CCDC191: variants seen among roughly 807,000 people sequenced by gnomAD.
The protein encoded by CCDC191 is coiled-coil domain containing 191.
CCDC191 carries 99 observed loss-of-function variants against 114.0 expected under a neutral mutation model. The ratio of observed to expected loss-of-function variants is 0.87; its 90% CI spans 0.74 to 1.03. CCDC191 has a LOEUF of 1.03. CCDC191 is among the 50% of genes least tolerant of loss of function. The pLI, the probability that CCDC191 is intolerant of heterozygous loss-of-function variation, is 0.00. For synonymous variants in CCDC191, 351 were observed against 376.0 expected (o/e 0.93, Z 0.77); for missense variants, 973 against 1,087.0 (o/e 0.90, Z 1.47).
At chr3:114,027,009 C>T (rs766462879) in intron 7 of CCDC191, among the ~76,000 whole-genome samples, 5 of 152,024 alleles carry the variant, frequency 3.3e-5, no homozygotes, top group African/African-American at 4.8e-5. Context: ...GGCCATTTTC[C>T]AAATAGTATA....
chr3:113,994,504 T>C (rs1045823955), intron 13 of CCDC191, among the ~76,000 whole-genome samples: 3 of 152,016 alleles, frequency 2.0e-5, no homozygotes, highest in Admixed American at 6.5e-5. Flanking sequence ...AACTTAAACA[T>C]TGACTTACCA....
At chr3:114,030,307 T>G (rs2076386618) in intron 7 of CCDC191, among the ~76,000 whole-genome samples, 1 of 152,172 alleles carries the variant, frequency 6.6e-6, no homozygotes, top group African/African-American at 2.4e-5. Context: ...ATTTAAGCAT[T>G]TTTTAGAAAA....
chr3:113,985,857 CCA>C (rs1266515429), intron 13 of CCDC191, among the ~76,000 whole-genome samples: 1 of 152,150 alleles, frequency 6.6e-6, no homozygotes, highest in Non-Finnish European at 1.5e-5. Context: ...GTACAAATCT[CCA>C]CACTCTAGGC....
chr3:113,978,144 G>A, intron 16 of CCDC191, 42 bp downstream of exon 16: 1 of 1,606,778 alleles, frequency 6.2e-7, no homozygotes, highest in African/African-American at 1.3e-5. Flanking sequence ...CTGAGCAATT[G>A]TGAAGTCAGA....
chr3:114,001,640 C>T lies in CCDC191; in HGVS notation c.2118G>A (p.Glu706=). Residue 706 remains glutamate, a synonymous_variant, in exon 13 of 17, where the codon GAG becomes GAA. Transcript: ENST00000295878. ...ERQKREAEEK[E]AQLERKREEK... is the part of the protein sequence containing the mutation. ...CTTCTCGTTTTCTTTCAAGCTGTGC[C>T]TCCTTTTCTTCTGCCTCCCTTTTCT... 6.2e-7 allele frequency: 1 copy of T among 1,613,848 alleles called. No homozygotes were observed. The highest frequency in any genetic ancestry group is 8.5e-7 in the Non-Finnish European group (1 of 1,179,786).
Position 113,965,195 on chromosome 3 carries a change from T to A in CCDC191, c.2771A>T (p.Asp924Val). The change falls in exon 17 of 17, where the codon GAT becomes GTT. Residue 924 changes from aspartate (D) to valine (V), a missense_variant. Asp to Val is a radical substitution (Grantham distance 152). Transcript: ENST00000295878. ...ACTTGTCTTACTCAAGGACCAAGTA[T>A]CTGATTGCTGATATAGCTCGTGGTA... ...GRYHELYQQS[D>V]TWSLSKTSLV... The A allele has an allele frequency of 6.2e-7, 1 of 1,610,046 alleles. No individual in the cohort carries two copies. The highest frequency in any genetic ancestry group is 8.5e-7 in the Non-Finnish European group (1 of 1,178,224).
In CCDC191 at chr3:114,005,654, C is replaced by T. The variant is rs1271936150; in HGVS notation, c.1722G>A (p.Gln574=). 6.2e-6 allele frequency: 10 copies of T among 1,614,142 alleles called. No homozygotes were observed. The highest frequency in any genetic ancestry group is 1.3e-5 in the African/African-American group (1 of 75,050). The change falls in exon 10 of 17, where the codon CAG becomes CAA. Residue 574 remains glutamine, a synonymous_variant. Coordinates refer to ENST00000295878, the MANE Select transcript of CCDC191 (RefSeq NM_020817.2). ...EKQKKKLQEQ[Q]KTILELKKNL... The stretch of plus-strand genomic sequence containing the variant: ...TTTTCTTCAGCTCGAGAATTGTTTT[C>T]TGCTGTTCCTGAAGTTTCTTCTTTT...
At chr3:114,020,310 A>C (rs2107702725) in intron 7 of CCDC191, among the ~76,000 whole-genome samples, 1 of 152,346 alleles carries the variant, frequency 6.6e-6, no homozygotes, top group South Asian at 2.1e-4. Flanking sequence ...AGCATCTACT[A>C]GAATTCTTAG....
intron 7 of CCDC191, among the ~76,000 whole-genome samples, chr3:114,027,601 C>CG (rs2076339963): frequency 1.7e-5 from 1 of 60,138 alleles, no homozygotes. Flanking sequence ...GACTCTGTCT[C>CG]AAAAAAAAAA....
At chr3:114,033,664 G>T (rs1181325472) in intron 6 of CCDC191, among the ~76,000 whole-genome samples, 1 of 152,284 alleles carries the variant, frequency 6.6e-6, no homozygotes, top group South Asian at 2.1e-4. Context: ...ACCATTAAAC[G>T]TTACTTGTTT....
intron 7 of CCDC191, among the ~76,000 whole-genome samples, chr3:114,025,290 T>A (rs1471390269): frequency 6.6e-6 from 1 of 150,560 alleles, no homozygotes; most frequent in East Asian, 1.9e-4. Flanking sequence ...CCAAACCCTA[T>A]CACTGTTCTA....
At chr3:114,051,358 G>A (rs753669679) in intron 2 of CCDC191, among the ~76,000 whole-genome samples, 17 of 151,928 alleles carry the variant, frequency 1.1e-4, no homozygotes, top group Non-Finnish European at 1.9e-4. Context: ...CTGCATCCTC[G>A]AACCCCTTGT....
intron 8 of CCDC191, among the ~76,000 whole-genome samples, chr3:114,014,588 C>A (rs2076127712): frequency 6.6e-6 from 1 of 152,208 alleles, no homozygotes; most frequent in East Asian, 1.9e-4. Context: ...TGTTCCTACG[C>A]AAGACTGCCT....
intron 1 of CCDC191, among the ~76,000 whole-genome samples, chr3:114,055,062 C>T (rs2076750475): frequency 6.6e-6 from 1 of 151,908 alleles, no homozygotes; most frequent in Non-Finnish European, 1.5e-5. Context: ...AGCATACTGA[C>T]ACATGGAGGT....
intron 8 of CCDC191, 42 bp from the exon 9 acceptor site, chr3:114,011,063 A>G (rs751471521): frequency 1.3e-6 from 2 of 1,566,384 alleles, no homozygotes; most frequent in South Asian, 2.4e-5. Flanking sequence ...GAAGCCATTT[A>G]CAGTTTGTTA....
rs768540332 is a variant in CCDC191 at position 114,034,949 on chromosome 3, C to A, written c.794G>T (p.Arg265Leu). Residue 265 changes from arginine (R) to leucine (L), a missense_variant, in exon 6 of 17, where the codon CGC becomes CTC. Physicochemically the swap from Arg to Leu is moderately radical, Grantham distance 102 (BLOSUM62 -2). Coordinates refer to ENST00000295878, the MANE Select transcript of CCDC191 (RefSeq NM_020817.2). Reference protein sequence around the residue: ...KLRREIIERRRTVKAAWKIEK... With the variant: ...KLRREIIERRLTVKAAWKIEK... Reference sequence around the variant, plus strand: ...CATTTTCCATGCTGCTTTCACAGTGCGTCTCCTCTCAATTATCTCCCTCCG... The same window carrying A: ...CATTTTCCATGCTGCTTTCACAGTGAGTCTCCTCTCAATTATCTCCCTCCG... The A allele has an allele frequency of 6.2e-7, 1 of 1,613,730 alleles. No individual in the cohort carries two copies. Among genetic ancestry groups the A allele is most frequent in the African/African-American group, 1.3e-5 (1 of 74,886 alleles).
At position 113,965,390 on chromosome 3, in the gene CCDC191, T is replaced by C; in HGVS notation, c.2607-31A>G. 2.1e-6 allele frequency: 3 copies of C among 1,455,964 alleles called. 1 individual carries two copies. The highest frequency in any genetic ancestry group is 4.5e-5 in the Admixed American group (2 of 44,142). The allele number at this position is 1,455,964 out of a possible 1,614,324, so 90.2% of individuals were successfully genotyped here. A position where few individuals can be genotyped will look rare whatever the true frequency, so the allele number is the denominator to read the frequency against. On this transcript the variant is annotated intron_variant, in intron 16 of 16. Coordinates refer to ENST00000295878, the MANE Select transcript of CCDC191 (RefSeq NM_020817.2). ...AGAATAAAGAAGGAAAAAAGTGAAA[T>C]GTTGAGAAAAAGTTGGCTTTCCATC...
intron 16 of CCDC191, among the ~76,000 whole-genome samples, chr3:113,971,673 T>C (rs1254641434): frequency 1.3e-5 from 2 of 152,322 alleles, no homozygotes; most frequent in African/African-American, 4.8e-5. Flanking sequence ...GGTATCAGGC[T>C]AATGCTGGCC....
intron 7 of CCDC191, among the ~76,000 whole-genome samples, chr3:114,024,865 A>C (rs552912980): frequency 3.3e-5 from 5 of 152,120 alleles, no homozygotes; most frequent in Admixed American, 2.6e-4. Context: ...AAAAATGAGG[A>C]TCTTTGTCAT....
Sources: allele counts gnomAD v4.1 joint callset (sites outside exome capture counted in the v4.1 genomes callset), GRCh38; gene constraint gnomAD v4.1.1; transcripts MANE v1.5; gene names NCBI Gene and HGNC (gene_info 2026-07-23, HGNC 2026-07-21).